Variants in NBAS observed in about 807,000 individuals in gnomAD.
NBAS encodes NAG/BC035112 fusion.
NBAS carries 219 observed loss-of-function variants against 302.5 expected under a neutral mutation model. That is an observed-to-expected ratio of 0.72 (90% CI 0.65 to 0.81). The LOEUF is 0.81. Among genes scored for constraint, NBAS ranks in the 30% least tolerant of loss-of-function variants. The pLI is 0.00. For missense variants in NBAS, 2,932 were observed against 2,841.6 expected, an observed-to-expected ratio of 1.03 and a Z score of -0.72; for synonymous variants, 1,118 against 1,021.6, an observed-to-expected ratio of 1.09 and a Z score of -1.80.
chr2:15,187,015 C>T, intron 49 of NBAS, 135 bp from the exon 50 acceptor site: 3 of 1,304,056 alleles, frequency 2.3e-6, no homozygotes, highest in Non-Finnish European at 3.3e-6. Flanking sequence ...TCAAGTCAAC[C>T]TTGTAGAAAA....
At chr2:15,038,850 A>G in the NBAS span, among the ~76,000 whole-genome samples, 1 of 152,246 alleles carries the variant, frequency 6.6e-6, no homozygotes, top group Non-Finnish European at 1.5e-5. Flanking sequence ...GGAAGTCAGA[A>G]TAGAAAGAGA....
the NBAS span, among the ~76,000 whole-genome samples, chr2:14,787,377 C>G: frequency 1.8e-4 from 27 of 151,816 alleles, no homozygotes; most frequent in African/African-American, 2.9e-4. Flanking sequence ...ATGTTAGCTG[C>G]TTATTTTGCT....
At chr2:14,904,045 C>T in the NBAS span, among the ~76,000 whole-genome samples, 1 of 152,188 alleles carries the variant, frequency 6.6e-6, no homozygotes. Flanking sequence ...GAAACGGGGG[C>T]ATTTCTCATT....
chr2:15,406,103 T>TAAAAAAAA (rs71400653), intron 25 of NBAS, among the ~76,000 whole-genome samples: 4 of 115,062 alleles, frequency 3.5e-5, no homozygotes, highest in African/African-American at 7.1e-5. Context: ...CAATAACATG[T>TAAAAAAAA]AAAAAAAAAA....
chr2:14,971,058 C>T, the NBAS span, among the ~76,000 whole-genome samples: 1 of 152,196 alleles, frequency 6.6e-6, no homozygotes, highest in Non-Finnish European at 1.5e-5. Context: ...CCAACAATGG[C>T]AGGTTTAAAT....
chr2:15,480,616 G>A (rs1680390632), intron 12 of NBAS, among the ~76,000 whole-genome samples: 1 of 152,080 alleles, frequency 6.6e-6, no homozygotes, highest in Non-Finnish European at 1.5e-5. Context: ...GACTGGATAA[G>A]ACTTGGATGT....
chr2:15,386,840 T>C (rs1179233570), intron 28 of NBAS, among the ~76,000 whole-genome samples: 3 of 152,198 alleles, frequency 2.0e-5, no homozygotes, highest in South Asian at 2.1e-4. Flanking sequence ...GGATGTACTA[T>C]GTTGCCAATT....
intron 41 of NBAS, 135 bp downstream of exon 41, chr2:15,292,402 G>T: frequency 1.1e-6 from 1 of 869,920 alleles, no homozygotes; most frequent in Non-Finnish European, 1.8e-6. Flanking sequence ...AAGACTAGAT[G>T]AAGTTGGGGA....
intron 43 of NBAS, among the ~76,000 whole-genome samples, 184 bp downstream of exon 43, chr2:15,276,667 G>C (rs1324241920): frequency 6.6e-6 from 1 of 152,010 alleles, no homozygotes; most frequent in African/African-American, 2.4e-5. Flanking sequence ...TACTTTTTCT[G>C]GTATTTAATT....
At chr2:15,499,588 A>T (rs1681207266) in intron 11 of NBAS, among the ~76,000 whole-genome samples, 1 of 152,094 alleles carries the variant, frequency 6.6e-6, no homozygotes, top group Non-Finnish European at 1.5e-5. Context: ...CATAGAAGGG[A>T]ACAACACATA....
At chr2:15,267,402 A>G (rs1258494551) in intron 44 of NBAS, among the ~76,000 whole-genome samples, 2 of 152,226 alleles carry the variant, frequency 1.3e-5, no homozygotes, top group African/African-American at 4.8e-5. Flanking sequence ...ATCAAAAAAA[A>G]AGTTTGAATA....
intron 48 of NBAS, among the ~76,000 whole-genome samples, chr2:15,197,710 A>G (rs967542229): frequency 6.6e-6 from 1 of 152,126 alleles, no homozygotes; most frequent in African/African-American, 2.4e-5. Flanking sequence ...ACTCCTTGTA[A>G]TGGTACTTCC....
At chr2:15,520,406 G>A (rs74259676) in intron 9 of NBAS, among the ~76,000 whole-genome samples, 3,091 of 152,124 alleles carry the variant, frequency 0.02, 74 homozygotes, top group East Asian at 0.057. Context: ...ACCCTGTCTC[G>A]AAGAAAAGAA....
intron 5 of NBAS, among the ~76,000 whole-genome samples, chr2:15,552,858 T>A (rs148643900): frequency 0.017 from 2,546 of 151,240 alleles, 33 homozygotes; most frequent in Non-Finnish European, 0.028. Flanking sequence ...AGTGGCACAA[T>A]CTCGGCTCAC....
chr2:15,136,260 G>T, the NBAS span, among the ~76,000 whole-genome samples: 1 of 152,092 alleles, frequency 6.6e-6, no homozygotes, highest in South Asian at 2.1e-4. Context: ...TTTTATCAGG[G>T]TGACTCCCTT....
intron 19 of NBAS, among the ~76,000 whole-genome samples, chr2:15,462,210 C>A (rs1021994919): frequency 6.6e-6 from 1 of 152,172 alleles, no homozygotes; most frequent in Non-Finnish European, 1.5e-5. Flanking sequence ...AAATATTAAC[C>A]GAGTGCCACT....
the NBAS span, among the ~76,000 whole-genome samples, chr2:15,013,681 G>A: frequency 6.6e-6 from 1 of 152,148 alleles, no homozygotes; most frequent in Non-Finnish European, 1.5e-5. Flanking sequence ...CTACTCAGGA[G>A]GCTGAGGCAG....
At chr2:15,221,020 G>A (rs1666927317) in intron 47 of NBAS, among the ~76,000 whole-genome samples, 1 of 152,114 alleles carries the variant, frequency 6.6e-6, no homozygotes, top group South Asian at 2.1e-4. Context: ...TGGATAATTG[G>A]TTTAAGAATT....
chr2:14,785,405 A>G, the NBAS span, among the ~76,000 whole-genome samples: 1 of 152,190 alleles, frequency 6.6e-6, no homozygotes, highest in Admixed American at 6.5e-5. Context: ...GCCAGTTTTC[A>G]AAGGGAATGC....
Sources: gnomAD v4.1 joint callset for allele counts (sites outside exome capture counted in the v4.1 genomes callset) on GRCh38, gnomAD v4.1.1 for gene constraint, MANE v1.5 for transcripts, NCBI Gene and HGNC (gene_info 2026-07-23, HGNC 2026-07-21) for gene names.